LIPJ: variants seen among roughly 807,000 people sequenced by gnomAD.
LIPJ encodes the protein lipase family member J, also known as lipase member J.
A neutral mutation model predicts 39.8 loss-of-function variants in LIPJ; 33 were observed. The ratio of observed to expected loss-of-function variants is 0.83; its 90% CI spans 0.63 to 1.11. The LOEUF is 1.11. Among genes scored for constraint, LIPJ ranks in the 50% least tolerant of loss-of-function variants. The pLI, the probability that LIPJ is intolerant of heterozygous loss-of-function variation, is 0.00. For synonymous variants in LIPJ, 128 were observed against 139.2 expected (o/e 0.92, Z 0.57); for missense variants, 422 against 427.9 (o/e 0.99, Z 0.12).
chr10:88,586,047 G>A (rs574172786), upstream of LIPJ, among the ~76,000 whole-genome samples: 3 of 152,130 alleles, frequency 2.0e-5, no homozygotes, highest in South Asian at 4.2e-4. Context: ...CTTTACTTAC[G>A]CTGTTCTCTG....
At chr10:88,613,300 A>G in the LIPJ span, among the ~76,000 whole-genome samples, 2 of 152,130 alleles carry the variant, frequency 1.3e-5, no homozygotes, top group African/African-American at 4.8e-5. Context: ...CCAGGCGGGA[A>G]CTATTGTAAC....
chr10:88,619,443 C>T, the LIPJ span, among the ~76,000 whole-genome samples: 1 of 38,096 alleles, frequency 2.6e-5, no homozygotes, highest in Non-Finnish European at 4.4e-5. Flanking sequence ...GTAGAAAAAT[C>T]CCCCTCTTGC....
chr10:88,585,665 G>T, upstream of LIPJ: 1 of 152,120 alleles, frequency 6.6e-6, no homozygotes, highest in Non-Finnish European at 1.5e-5. Flanking sequence ...TAGCAGTGGA[G>T]GGTTGTGTAT....
the LIPJ span, chr10:88,618,713 C>CT: frequency 7.8e-3 from 1,234 of 158,336 alleles, 11 homozygotes; most frequent in Non-Finnish European, 0.013. Flanking sequence ...CAGTTGCCAG[C>CT]TTTTTTTGCC....
chr10:88,609,760 G>T (rs1404921121), downstream of LIPJ, among the ~76,000 whole-genome samples: 1 of 147,432 alleles, frequency 6.8e-6, no homozygotes. Flanking sequence ...TTAGCTGGGC[G>T]TGGTGGTGTG....
At chr10:88,600,159 A>G (rs1205786397) in intron 8 of LIPJ, among the ~76,000 whole-genome samples, 2 of 152,156 alleles carry the variant, frequency 1.3e-5, no homozygotes, top group Non-Finnish European at 2.9e-5. Context: ...AAAACTTTAT[A>G]CCAGTTTAAC....
At chr10:88,612,835 G>T in the LIPJ span, among the ~76,000 whole-genome samples, 1 of 152,190 alleles carries the variant, frequency 6.6e-6, no homozygotes, top group Non-Finnish European at 1.5e-5. Flanking sequence ...CATCAAGACA[G>T]AAAATCAACA....
chr10:88,608,132 T>C (rs536562211), downstream of LIPJ, among the ~76,000 whole-genome samples: 5 of 152,270 alleles, frequency 3.3e-5, no homozygotes, highest in African/African-American at 1.2e-4. Context: ...CTAATGAACC[T>C]GAAGGAAAGA....
chr10:88,592,428 G>A (rs1046265626), intron 4 of LIPJ: 23 of 151,844 alleles, frequency 1.5e-4, no homozygotes, highest in African/African-American at 4.1e-4. Flanking sequence ...CTGAGAGAGG[G>A]GTTCAGGTAC....
At chr10:88,596,707 T>A (rs1275507775) in intron 7 of LIPJ, 83 bp from the exon 8 acceptor site, 1 of 1,240,290 alleles carries the variant, frequency 8.1e-7, no homozygotes, top group Non-Finnish European at 1.1e-6. Flanking sequence ...TTTATTTGGT[T>A]TTATAGATAG....
chr10:88,601,742 T>C (rs1247377548), intron 8 of LIPJ, among the ~76,000 whole-genome samples: 1 of 152,250 alleles, frequency 6.6e-6, no homozygotes, highest in African/African-American at 2.4e-5. Context: ...GTGAGGCTTC[T>C]TAAAATAATT....
intron 5 of LIPJ, 40 bp from the exon 6 acceptor site, chr10:88,594,627 A>G: frequency 1.0e-6 from 1 of 965,444 alleles, no homozygotes; most frequent in Middle Eastern, 2.3e-4. Context: ...ACATAACATT[A>G]GTAGAAAGTG....
At chr10:88,595,410 T>C (rs182756347) in intron 6 of LIPJ, among the ~76,000 whole-genome samples, 1 of 151,830 alleles carries the variant, frequency 6.6e-6, no homozygotes, top group Admixed American at 6.6e-5. Context: ...ATTAAGTAAG[T>C]CATTTCTAAG....
intron 7 of LIPJ, 91 bp from the exon 8 acceptor site, chr10:88,596,699 T>G: frequency 1.7e-6 from 2 of 1,167,288 alleles, no homozygotes; most frequent in Non-Finnish European, 2.5e-6. Flanking sequence ...TGAGATAATT[T>G]ATTTGGTTTT....
chr10:88,590,309 G>C (rs1298914211), intron 2 of LIPJ, among the ~76,000 whole-genome samples: 1 of 151,746 alleles, frequency 6.6e-6, no homozygotes, highest in Non-Finnish European at 1.5e-5. Flanking sequence ...ATTGGACTGT[G>C]CAATACTACA....
chr10:88,593,953 G>T (rs370801123), exon 5 of LIPJ: 5 of 1,610,662 alleles, frequency 3.1e-6, no homozygotes, highest in Non-Finnish European at 4.2e-6. Context: ...CAGCTCAGAG[G>T]GTTGTTGTAT....
At chr10:88,606,556 C>T in intron 10 of LIPJ, 118 bp from the exon 11 acceptor site, 1 of 580,764 alleles carries the variant, frequency 1.7e-6, no homozygotes, top group Non-Finnish European at 3.0e-6. Flanking sequence ...AAGTTGAATC[C>T]ATTAGATTTG....
intron 8 of LIPJ, among the ~76,000 whole-genome samples, chr10:88,599,225 A>G (rs1300921485): frequency 6.6e-6 from 1 of 151,736 alleles, no homozygotes; most frequent in Non-Finnish European, 1.5e-5. Flanking sequence ...AATAATTGCC[A>G]CAATCAAGTT....
rs1851635635 is a variant in LIPJ, at chr10:88,605,554, T to C, written c.796-79T>C. On this transcript the variant is annotated intron_variant, in intron 9 of 10. Coordinates refer to ENST00000371939, the Ensembl canonical transcript of LIPJ. ...GCAGACCCAGTACAATGGGGGTATA[T>C]ATGCATTGCATGCTTAACTTGCTCA... 4.5e-6 allele frequency: 4 copies of C among 897,256 alleles called. No homozygotes were observed. In the Admixed American group the frequency reaches 7.4e-5, roughly 17 times the overall value. The allele number at this position is 897,256 out of a possible 1,614,324, so 55.6% of individuals were successfully genotyped here. A position where few individuals can be genotyped will look rare whatever the true frequency, so the allele number is the denominator to read the frequency against.
Sources: allele counts gnomAD v4.1 joint callset (sites outside exome capture counted in the v4.1 genomes callset), GRCh38; gene constraint gnomAD v4.1.1; transcripts MANE v1.5; gene names NCBI Gene and HGNC (gene_info 2026-07-23, HGNC 2026-07-21).